RCC1: variants seen among roughly 807,000 people sequenced by gnomAD.
RCC1 encodes regulator of chromosome condensation.
A neutral mutation model predicts 44.4 loss-of-function variants in RCC1; 11 were observed. The ratio of observed to expected loss-of-function variants is 0.25; its 90% CI spans 0.16 to 0.41. The LOEUF (loss-of-function observed/expected upper bound fraction) is 0.41, where lower values mean the gene tolerates loss of function less well. Among genes scored for constraint, RCC1 ranks in the 10% least tolerant of loss-of-function variants. The pLI, the probability that RCC1 is intolerant of heterozygous loss-of-function variation, is 1.00. For synonymous variants in RCC1, 213 were observed against 216.5 expected, an observed-to-expected ratio of 0.98 and a Z score of 0.14; for missense variants, 386 against 547.1, an observed-to-expected ratio of 0.71 and a Z score of 2.94.
chr1:28,530,753 C>G, intron 5 of RCC1: 1 of 622,820 alleles, frequency 1.6e-6, no homozygotes, highest in South Asian at 2.1e-5. Flanking sequence ...CACAGAGAGC[C>G]CCGGGCGCGC....
At chr1:28,506,539 ACT>A (rs1661950531) in intron 1 of RCC1, 1 of 235,570 alleles carries the variant, frequency 4.2e-6, no homozygotes, top group Non-Finnish European at 8.6e-6. Flanking sequence ...ATCGGTCCCA[ACT>A]CTAAAGTACG....
chr1:28,510,619 A>G (rs1386750615), intron 3 of RCC1: 1 of 152,240 alleles, frequency 6.6e-6, no homozygotes, highest in African/African-American at 2.4e-5. Context: ...ATCTTCCTAA[A>G]GCAATTGTAT....
At position 28,536,461 on chromosome 1, in the gene RCC1, T is replaced by G; in HGVS notation, c.937+80T>G. The G allele has an allele frequency of 6.5e-7, 1 of 1,531,120 alleles. No homozygotes were observed. Among genetic ancestry groups the G allele is most frequent in the South Asian group, 1.2e-5 (1 of 81,000 alleles). 94.8% of individuals were successfully genotyped at this position (1,531,120 alleles called of 1,614,324 possible). A position where few individuals can be genotyped will look rare whatever the true frequency, so the allele number is the denominator to read the frequency against. On this transcript the variant is annotated intron_variant, in intron 11 of 12. Transcript: ENST00000683442. The surrounding 1 kb of genome is among the most constrained non-coding windows in gnomAD (Gnocchi z 4.9). ...CCTAGCCAGATTCCTGAGACCATGG[T>G]CCTTGGAGCCTGGGTCTGTTCCATG...
intron 4 of RCC1, chr1:28,527,172 G>T: frequency 1.6e-6 from 2 of 1,247,834 alleles, no homozygotes; most frequent in South Asian, 1.3e-5. Context: ...CCCAAGGAAT[G>T]GCACTCACAT....
rs1197949353 is a variant in RCC1 at position 28,538,800 on chromosome 1, T to C, written c.*793T>C. 6.6e-6 allele frequency: 1 copy of C among 151,914 alleles called. No homozygotes were observed. Among genetic ancestry groups the C allele is most frequent in the Non-Finnish European group, 1.5e-5 (1 of 68,000 alleles). 9.4% of individuals were successfully genotyped at this position (151,914 alleles called of 1,614,324 possible). A position where few individuals can be genotyped will look rare whatever the true frequency, so the allele number is the denominator to read the frequency against. The stretch of plus-strand genomic sequence containing the variant: ...TTATAAACAAACTTAACAGCAATAT[T>C]GAAAGGAGGTGGGGGATTGAGGGAG... On this transcript the variant is annotated 3_prime_UTR_variant, in exon 13 of 13. Coordinates refer to ENST00000683442, the MANE Select transcript of RCC1 (RefSeq NM_001381865.2).
At chr1:28,515,554 T>A (rs1662846470) in intron 3 of RCC1, among the ~76,000 whole-genome samples, 1 of 147,146 alleles carries the variant, frequency 6.8e-6, no homozygotes, top group African/African-American at 2.5e-5. Flanking sequence ...CTGTCTCTAT[T>A]AAAAATACAA....
chr1:28,534,944 G>C (rs1033321611), intron 7 of RCC1, 106 bp from the exon 8 acceptor site: 6 of 818,534 alleles, frequency 7.3e-6, no homozygotes, highest in African/African-American at 1.7e-5. Context: ...ATGTGGCCTG[G>C]CTCCTGCCCA....
chr1:28,538,103 C>T lies in RCC1; in HGVS notation c.*96C>T, dbSNP rs758482429. ...CAGATGGCAGCGGGCCTCTCCCCAGCCCTGAGCACTGTGTCAGTTCCTGCC... is the reference window on the plus strand; with the variant it reads ...CAGATGGCAGCGGGCCTCTCCCCAGTCCTGAGCACTGTGTCAGTTCCTGCC... On this transcript the variant is annotated 3_prime_UTR_variant, in exon 13 of 13. Transcript: ENST00000683442. 25 of 1,103,498 alleles carry T rather than the reference C, an allele frequency of 2.3e-5. No individual in the cohort carries two copies. The highest frequency in any genetic ancestry group is 3.0e-5 in the Non-Finnish European group (23 of 774,856). The allele number at this position is 1,103,498 out of a possible 1,614,324, so 68.4% of individuals were successfully genotyped here.
chr1:28,528,806 C>CA (rs61279276), intron 4 of RCC1, among the ~76,000 whole-genome samples: 9,875 of 101,252 alleles, frequency 0.098, 1,256 homozygotes, highest in African/African-American at 0.3. Flanking sequence ...ATTTTTTTTC[C>CA]AAAAAAAAAA....
At chr1:28,535,668 G>A (rs368298141) in intron 9 of RCC1, 16 of 761,356 alleles carry the variant, frequency 2.1e-5, no homozygotes, top group East Asian at 1.3e-4. Context: ...TAAGTTCCAC[G>A]TAAATGATAC....
chr1:28,526,269 A>T (rs1030659762), intron 4 of RCC1: 10 of 216,732 alleles, frequency 4.6e-5, no homozygotes, highest in African/African-American at 2.3e-4. Flanking sequence ...TGGGCAACAG[A>T]GAGTGAGATG....
At chr1:28,518,440 C>T (rs1467841884) in intron 4 of RCC1, 1 of 151,272 alleles carries the variant, frequency 6.6e-6, no homozygotes, top group African/African-American at 2.4e-5. Flanking sequence ...CGGCGCCGGC[C>T]CCACGTGAAG....
intron 7 of RCC1, among the ~76,000 whole-genome samples, chr1:28,534,118 T>C (rs897798967): frequency 3.9e-5 from 6 of 151,908 alleles, no homozygotes; most frequent in African/African-American, 4.8e-5. Flanking sequence ...TCTCAGGTGA[T>C]CCGCCCGTCT....
chr1:28,536,054 G>T lies in RCC1; in HGVS notation c.817+28G>T. 1 of 1,583,740 alleles carries T rather than the reference G, an allele frequency of 6.3e-7. No individual in the cohort carries two copies. The highest frequency in any genetic ancestry group is 2.2e-5 in the East Asian group (1 of 44,520). ...GAGCCCCGAGCCCAGCTTCAGGCAT[G>T]ACCCAGTGGCCTGCGTTCCTGTCCT... On this transcript the variant is annotated intron_variant, in intron 10 of 12. Transcript: ENST00000683442. This position sits in a 1 kb window ranked among gnomAD's most constrained non-coding sequence, Gnocchi z 4.9.
At position 28,535,106 on chromosome 1, in the gene RCC1, G is replaced by T; in HGVS notation, c.498G>T (p.Val166=). The T allele has an allele frequency of 6.2e-7, 1 of 1,614,202 alleles. No homozygotes were observed. Among genetic ancestry groups the T allele is most frequent in the Non-Finnish European group, 8.5e-7 (1 of 1,180,018 alleles). Residue 166 remains valine (V), a synonymous_variant, in exon 8 of 13, where the codon GTG becomes GTT. Coordinates refer to ENST00000683442, the MANE Select transcript of RCC1 (RefSeq NM_001381865.2). ...CCATGAAGAAGAGCATGGTGCCTGT[G>T]CAGGTGCAGCTGGATGTGCCTGTGG... The part of the protein sequence containing the change: ...LEPMKKSMVP[V]QVQLDVPVVK...
At chr1:28,507,811 T>G in intron 1 of RCC1, 1 of 333,514 alleles carries the variant, frequency 3.0e-6, no homozygotes, top group Non-Finnish European at 5.9e-6. Flanking sequence ...TTCACCATGT[T>G]GGTCAGGCTG....
chr1:28,518,972 C>G (rs1035870918), intron 4 of RCC1: 1 of 152,276 alleles, frequency 6.6e-6, no homozygotes, highest in Non-Finnish European at 1.5e-5. Flanking sequence ...GTCATTCATA[C>G]GTCACATATT....
At chr1:28,507,371 G>C (rs778961787) in intron 1 of RCC1, 4 of 519,122 alleles carry the variant, frequency 7.7e-6, no homozygotes, top group Admixed American at 3.9e-5. Flanking sequence ...ATTGTCCAAC[G>C]TGGATACACC....
intron 3 of RCC1, among the ~76,000 whole-genome samples, chr1:28,511,465 A>G (rs1002889103): frequency 1.3e-5 from 2 of 151,246 alleles, no homozygotes; most frequent in African/African-American, 2.4e-5. Context: ...CAGTGGCACA[A>G]TCTCAGCTCA....
Sources: allele counts gnomAD v4.1 joint callset (sites outside exome capture counted in the v4.1 genomes callset), GRCh38; gene constraint gnomAD v4.1.1; non-coding constraint Gnocchi (gnomAD v3.1); transcripts MANE v1.5; gene names NCBI Gene and HGNC (gene_info 2026-07-23, HGNC 2026-07-21).